Variants in ST8SIA6 observed in about 807,000 individuals in gnomAD.
The protein encoded by ST8SIA6 is alpha-2,8-sialyltransferase 8F.
Under a neutral mutation model 33.6 loss-of-function variants are expected in ST8SIA6, and 39 were observed. The observed-to-expected ratio is 1.16, with a 90% CI of 0.90 to 1.52. The LOEUF is 1.52. Among genes scored for constraint, ST8SIA6 ranks in the 40% most tolerant of loss-of-function variants. ST8SIA6 has a pLI of 0.00. For missense variants in ST8SIA6, 441 were observed against 443.8 expected (o/e 0.99, Z 0.06); for synonymous variants, 172 against 167.2 (o/e 1.03, Z -0.22).
chr10:17,376,885 CAAA>C, intron 3 of ST8SIA6, among the ~76,000 whole-genome samples: 1 of 151,996 alleles, frequency 6.6e-6, no homozygotes, highest in Admixed American at 6.6e-5. Context: ...GAGAAAGAGT[CAAA>C]GAAGTTAAAA....
chr10:17,395,573 T>C (rs1850776521), intron 2 of ST8SIA6, among the ~76,000 whole-genome samples: 1 of 152,136 alleles, frequency 6.6e-6, no homozygotes. Flanking sequence ...TTATTCTAAT[T>C]TTCTGTTGAA....
intron 3 of ST8SIA6, among the ~76,000 whole-genome samples, chr10:17,362,063 T>C (rs1346446423): frequency 6.6e-6 from 1 of 152,168 alleles, no homozygotes; most frequent in African/African-American, 2.4e-5. Context: ...GGTGAAAGAC[T>C]GAATGATGAA....
At chr10:17,372,599 G>T (rs1045310266) in intron 3 of ST8SIA6, among the ~76,000 whole-genome samples, 3 of 151,990 alleles carry the variant, frequency 2.0e-5, no homozygotes, top group African/African-American at 7.3e-5. Context: ...GCAGAGAGTC[G>T]GCCCACAGAA....
At chr10:17,376,374 C>T (rs1436056108) in intron 3 of ST8SIA6, among the ~76,000 whole-genome samples, 1 of 134,506 alleles carries the variant, frequency 7.4e-6, no homozygotes, top group South Asian at 2.5e-4. Context: ...GCTCAGACTT[C>T]CGAGAGCTTT....
At chr10:17,369,873 C>T (rs1187588823) in intron 3 of ST8SIA6, among the ~76,000 whole-genome samples, 1 of 152,162 alleles carries the variant, frequency 6.6e-6, no homozygotes, top group Non-Finnish European at 1.5e-5. Flanking sequence ...TTGCTATCTG[C>T]ACAATGTAAC....
chr10:17,375,190 C>T (rs1420703418), intron 3 of ST8SIA6, among the ~76,000 whole-genome samples: 1 of 152,118 alleles, frequency 6.6e-6, no homozygotes, highest in Non-Finnish European at 1.5e-5. Context: ...CTTTAAAAAG[C>T]AATCAAAGCA....
intron 3 of ST8SIA6, among the ~76,000 whole-genome samples, chr10:17,363,238 T>C (rs950158556): frequency 1.3e-5 from 2 of 152,160 alleles, no homozygotes; most frequent in Non-Finnish European, 2.9e-5. Context: ...TAGTCAATTT[T>C]CTCAATCCAG....
chr10:17,408,830 A>G (rs1851357649), intron 2 of ST8SIA6, among the ~76,000 whole-genome samples: 1 of 151,812 alleles, frequency 6.6e-6, no homozygotes, highest in Non-Finnish European at 1.5e-5. Flanking sequence ...ATGTTGGCTC[A>G]CCACAACCTC....
In ST8SIA6 at chr10:17,318,522, G is replaced by C. The variant is rs1847843645; in HGVS notation, c.*2356C>G. On this transcript the variant is annotated 3_prime_UTR_variant, in exon 8 of 8. Coordinates refer to ENST00000377602, the MANE Select transcript of ST8SIA6 (RefSeq NM_001004470.3). ...TGAGCCATTGCGCCTGGCCTAAAGGGCTGCTCTTGTCTAGTACCAGAACTC... is the reference window on the plus strand; with the variant it reads ...TGAGCCATTGCGCCTGGCCTAAAGGCCTGCTCTTGTCTAGTACCAGAACTC... 2.7e-6 allele frequency: 1 copy of C among 374,190 alleles called. No homozygotes were observed. Among genetic ancestry groups the C allele is most frequent in the Non-Finnish European group, 5.3e-6 (1 of 189,426 alleles). 23.2% of individuals were successfully genotyped at this position (374,190 alleles called of 1,614,324 possible).
rs898270960 is a variant in ST8SIA6 at position 17,316,931 on chromosome 10, C to G, written c.*3947G>C. 2.6e-5 allele frequency among the ~76,000 whole-genome samples: 4 copies of G among 151,832 alleles called. No individual in the cohort carries two copies. The highest frequency in any genetic ancestry group is 4.4e-5 in the Non-Finnish European group (3 of 68,010). ...TTAACTTTAAGGTGTCATTCACTGA[C>G]TAGAACTCTTTCATTTTAATACAGT... On this transcript the variant is annotated 3_prime_UTR_variant, in exon 8 of 8. Coordinates refer to ENST00000377602, the MANE Select transcript of ST8SIA6 (RefSeq NM_001004470.3).
At chr10:17,442,016 C>G (rs1852516068) in intron 2 of ST8SIA6, among the ~76,000 whole-genome samples, 1 of 152,000 alleles carries the variant, frequency 6.6e-6, no homozygotes, top group African/African-American at 2.4e-5. Context: ...TTACAGGTGC[C>G]TGCCGCCACG....
intron 3 of ST8SIA6, among the ~76,000 whole-genome samples, chr10:17,361,898 T>C (rs1849404847): frequency 6.6e-6 from 1 of 152,138 alleles, no homozygotes; most frequent in Admixed American, 6.5e-5. Context: ...CATATTAACA[T>C]AATTTTAAAA....
At chr10:17,392,252 G>A (rs1850643555) in intron 2 of ST8SIA6, among the ~76,000 whole-genome samples, 1 of 152,352 alleles carries the variant, frequency 6.6e-6, no homozygotes, top group South Asian at 2.1e-4. Context: ...TGGCTCAGAA[G>A]AGTAGGTCTC....
intron 7 of ST8SIA6, among the ~76,000 whole-genome samples, chr10:17,322,334 ATATACG>A (rs1290745505): frequency 3.3e-5 from 5 of 152,156 alleles, no homozygotes; most frequent in Non-Finnish European, 7.4e-5. Context: ...GCAAATATAG[ATATACG>A]TATAGGTTAT....
intron 5 of ST8SIA6, 25 bp downstream of exon 5, chr10:17,331,383 T>TA (rs1848293429): frequency 6.3e-7 from 1 of 1,590,094 alleles, no homozygotes. Context: ...GTAACACAAA[T>TA]AACCCACCAG....
At chr10:17,372,278 A>G (rs1849760614) in intron 3 of ST8SIA6, among the ~76,000 whole-genome samples, 1 of 152,244 alleles carries the variant, frequency 6.6e-6, no homozygotes, top group Non-Finnish European at 1.5e-5. Flanking sequence ...ATAAGTAACA[A>G]AAAGTGAGGA....
intron 2 of ST8SIA6, among the ~76,000 whole-genome samples, chr10:17,401,728 A>T (rs1244319343): frequency 6.6e-6 from 1 of 152,238 alleles, no homozygotes; most frequent in African/African-American, 2.4e-5. Flanking sequence ...GGCTAGCCAT[A>T]TGTAGAAAGC....
chr10:17,362,810 C>G (rs937416412), intron 3 of ST8SIA6, among the ~76,000 whole-genome samples: 2 of 152,144 alleles, frequency 1.3e-5, no homozygotes, highest in Admixed American at 1.3e-4. Flanking sequence ...CTCCCAGGTT[C>G]AAGCTATTCT....
intron 3 of ST8SIA6, among the ~76,000 whole-genome samples, chr10:17,384,837 T>C (rs1850275732): frequency 6.6e-6 from 1 of 152,194 alleles, no homozygotes; most frequent in Non-Finnish European, 1.5e-5. Flanking sequence ...TTTTCCAGGA[T>C]TGTTCTTTTG....
Sources: allele counts gnomAD v4.1 joint callset (sites outside exome capture counted in the v4.1 genomes callset), GRCh38; gene constraint gnomAD v4.1.1; transcripts MANE v1.5; gene names NCBI Gene and HGNC (gene_info 2026-07-23, HGNC 2026-07-21).